ZAN: variants seen among roughly 807,000 people sequenced by gnomAD.
ZAN encodes the protein zonadhesin (gene/pseudogene).
A neutral mutation model predicts 286.2 loss-of-function variants in ZAN; 260 were observed. That is an observed-to-expected ratio of 0.91 (90% CI 0.82 to 1.01). The LOEUF is 1.01. Among genes scored for constraint, ZAN ranks in the 50% least tolerant of loss-of-function variants. The pLI, the probability that ZAN is intolerant of heterozygous loss-of-function variation, is 0.00. For missense variants in ZAN, 3,410 were observed against 3,639.2 expected (o/e 0.94, Z 1.62); for synonymous variants, 1,368 against 1,417.5 (o/e 0.97, Z 0.79).
intron 18 of ZAN, among the ~76,000 whole-genome samples, chr7:100,760,144 G>A (rs1809453031): frequency 6.6e-6 from 1 of 152,094 alleles, no homozygotes; most frequent in Non-Finnish European, 1.5e-5. Flanking sequence ...AGCCTGGGAG[G>A]TCGAGGCTGC....
At chr7:100,776,725 T>TTTTTTC (rs1810838063) in intron 34 of ZAN, among the ~76,000 whole-genome samples, 161 bp downstream of exon 34, 1 of 94,096 alleles carries the variant, frequency 1.1e-5, no homozygotes, top group South Asian at 4.1e-4. Context: ...TTTCTTTTTT[T>TTTTTTC]TTTTTTTTTT....
At position 100,735,960 on chromosome 7, in the gene ZAN, G is replaced by A. The variant is rs548157752; in HGVS notation, c.106+188G>A. ...CCCTCCAACCTCAGTTCATGACCCC[G>A]GACCTTGTCATTCTGTCCACTCTCC... On this transcript the variant is annotated intron_variant, in intron 3 of 47. Transcript: ENST00000613979. 1.3e-4 allele frequency among the ~76,000 whole-genome samples: 19 copies of A among 140,928 alleles called. 3 individuals carry two copies. The East Asian group carries it at 3.1e-3, about 23-fold the overall frequency. The allele number at this position is 140,928 out of a possible 152,430, so 92.5% of individuals were successfully genotyped here.
At position 100,748,480 on chromosome 7, in the gene ZAN, T is replaced by A. The variant is rs1175737648; in HGVS notation, c.1249+10T>A. 6.2e-7 allele frequency: 1 copy of A among 1,606,348 alleles called. No homozygotes were observed. Among genetic ancestry groups the A allele is most frequent in the Admixed American group, 1.7e-5 (1 of 58,316 alleles). On this transcript the variant is annotated intron_variant, in intron 11 of 47. Transcript: ENST00000613979. ...GGTTTCCCTAATGCAGGTGAGGAGA[T>A]TGAGGAGCGCTCACGCCAAGAAATC...
At chr7:100,773,681 C>T (rs1427816233) in intron 30 of ZAN, 40 bp from the exon 31 acceptor site, 1 of 1,591,020 alleles carries the variant, frequency 6.3e-7, no homozygotes, top group Non-Finnish European at 8.6e-7. Context: ...TCTCCCAATT[C>T]CAACTTTCTG....
At chr7:100,794,662 C>T (rs1812231874) in intron 44 of ZAN, among the ~76,000 whole-genome samples, 1 of 151,884 alleles carries the variant, frequency 6.6e-6, no homozygotes, top group East Asian at 1.9e-4. Flanking sequence ...AGGGAGACAT[C>T]GTCTCTACTA....
In ZAN at chr7:100,791,877, A is replaced by G. The variant is rs542181082; in HGVS notation, c.7530-89A>G. 2.1e-4 allele frequency: 302 copies of G among 1,443,238 alleles called. 1 individual carries two copies. In the South Asian group the frequency reaches 4.0e-3, roughly 19 times the overall value. 89.4% of individuals were successfully genotyped at this position (1,443,238 alleles called of 1,614,324 possible). ...CGGGTAGCTGGGACTCCAGGCAGCC[A>G]CCACCATGCCCGGCTAATCAGTTCT... On this transcript the variant is annotated intron_variant, in intron 40 of 47. Transcript: ENST00000613979.
chr7:100,746,352 C>G (rs1808216826), intron 7 of ZAN, among the ~76,000 whole-genome samples, 186 bp from the exon 8 acceptor site: 2 of 152,182 alleles, frequency 1.3e-5, no homozygotes, highest in Non-Finnish European at 2.9e-5. Context: ...CCTTACCCAG[C>G]CCAAGCATTT....
chr7:100,756,910 G>A (rs767357728), intron 15 of ZAN, among the ~76,000 whole-genome samples: 11 of 151,972 alleles, frequency 7.2e-5, no homozygotes, highest in Admixed American at 3.3e-4. Context: ...CTGGGATTAC[G>A]GGCATGCGCC....
chr7:100,773,510 G>T lies in ZAN; in HGVS notation c.5634+17G>T, dbSNP rs1449868325. ...TACCACCCGGTGAGAGGCCAGCTAGGAGGGGCCCCGCCCTTTCCAGGCCCA... is the reference window on the plus strand; with the variant it reads ...TACCACCCGGTGAGAGGCCAGCTAGTAGGGGCCCCGCCCTTTCCAGGCCCA... On this transcript the variant is annotated intron_variant, in intron 30 of 47. Transcript: ENST00000613979. 2 of 1,611,646 alleles carry T rather than the reference G, an allele frequency of 1.2e-6. No homozygotes were observed. The highest frequency in any genetic ancestry group is 2.7e-5 in the African/African-American group (2 of 74,840).
rs373499493 is a variant in ZAN, at chr7:100,780,409, C to T, written c.6622+659C>T. On this transcript the variant is annotated intron_variant, in intron 35 of 47. Coordinates refer to ENST00000613979, the MANE Select transcript of ZAN (RefSeq NM_003386.3). ...ACCCAGTAGGTTGGGTGTGATGGCTCATGCCTATAATCTCAGCAATTTGGG... is the reference window on the plus strand; with the variant it reads ...ACCCAGTAGGTTGGGTGTGATGGCTTATGCCTATAATCTCAGCAATTTGGG... 3.3e-5 allele frequency among the ~76,000 whole-genome samples: 5 copies of T among 152,012 alleles called. No individual in the cohort carries two copies. The East Asian group carries it at 9.7e-4, about 29-fold the overall frequency.
intron 3 of ZAN, 96 bp downstream of exon 3, chr7:100,735,868 A>G: frequency 1.0e-6 from 1 of 974,064 alleles, no homozygotes. Flanking sequence ...TAGCAGGAGC[A>G]GCCACCTCCA....
Position 100,775,851 on chromosome 7 carries a change from C to T in ZAN, c.6192+18C>T. 1 of 1,611,690 alleles carries T rather than the reference C, an allele frequency of 6.2e-7. No individual in the cohort carries two copies. Among genetic ancestry groups the T allele is most frequent in the Non-Finnish European group, 8.5e-7 (1 of 1,178,768 alleles). ...ATGGAAAGGTGAGGAAAACATCTGG[C>T]TCTTCTCGCTGGGGAGGCAGCCCCA... On this transcript the variant is annotated intron_variant, in intron 33 of 47. Coordinates refer to ENST00000613979, the MANE Select transcript of ZAN (RefSeq NM_003386.3).
chr7:100,752,135 T>A lies in ZAN; in HGVS notation c.2030T>A (p.Ile677Asn). Residue 677 changes from isoleucine to asparagine, a missense_variant, in exon 14 of 48, where the codon ATC becomes AAC. Around this residue, in one of 7 missense-constraint regions of ZAN, gnomAD observed 872 missense variants for 938.9 expected, o/e 0.93. Transcript: ENST00000613979. Reference protein sequence around the residue: ...ETTTSMEEPVIPTEKPSIPTE... With the variant: ...ETTTSMEEPVNPTEKPSIPTE... Reference sequence around the variant, plus strand: ...ACCACCTCCATGGAAGAGCCTGTCATCCCTACAGAAAAACCCAGCATCCCT... The same window carrying A: ...ACCACCTCCATGGAAGAGCCTGTCAACCCTACAGAAAAACCCAGCATCCCT... 6.2e-7 allele frequency: 1 copy of A among 1,605,198 alleles called. No individual in the cohort carries two copies. Among genetic ancestry groups the A allele is most frequent in the African/African-American group, 1.4e-5 (1 of 71,536 alleles).
chr7:100,747,627 G>A lies in ZAN; in HGVS notation c.1009G>A (p.Val337Met), dbSNP rs555638288. Residue 337 changes from valine (V) to methionine (M), a missense_variant, in exon 9 of 48, where the codon GTG (valine) becomes ATG (methionine). Val to Met is a conservative substitution (Grantham distance 21). Around this residue, in one of 7 missense-constraint regions of ZAN, gnomAD observed 872 missense variants for 938.9 expected, o/e 0.93. Coordinates refer to ENST00000613979, the MANE Select transcript of ZAN (RefSeq NM_003386.3). Reference protein sequence around the residue: ...WQAVSVNYTAVGRIQFAVVGV... With the variant: ...WQAVSVNYTAMGRIQFAVVGV... ...GGCTGTTTCTGTCAATTACACAGCC[G>A]TGGGACGGATACAGGTACAGAGAAG... 2.5e-5 allele frequency: 40 copies of A among 1,613,698 alleles called. No individual in the cohort carries two copies. The Admixed American group carries it at 2.5e-4, about 10-fold the overall frequency.
intron 3 of ZAN, among the ~76,000 whole-genome samples, chr7:100,736,251 T>C (rs896693816): frequency 7.0e-6 from 1 of 142,672 alleles, no homozygotes; most frequent in African/African-American, 2.6e-5. Flanking sequence ...TCCCTCAGGC[T>C]GGAGTGCAGT....
rs1438608567 is a variant in ZAN, at chr7:100,795,123, C to G, written c.8126-73C>G. 26 of 1,519,452 alleles carry G rather than the reference C, an allele frequency of 1.7e-5. No individual in the cohort carries two copies. The Admixed American group carries it at 5.3e-4, about 31-fold the overall frequency. The allele number at this position is 1,519,452 out of a possible 1,614,324, so 94.1% of individuals were successfully genotyped here. On this transcript the variant is annotated intron_variant, in intron 44 of 47. Transcript: ENST00000613979. The stretch of plus-strand genomic sequence containing the variant: ...TGCTTTCTCCCCGGGCGTCCCAGCC[C>G]CCAGCCAGGCCTTCCCTCAGCTGGG...
rs529341828 is a variant in ZAN at position 100,763,597 on chromosome 7, C to G, written c.3987-209C>G. On this transcript the variant is annotated intron_variant, in intron 20 of 47. Transcript: ENST00000613979. The surrounding 1 kb of genome is among the most constrained non-coding windows in gnomAD (Gnocchi z 4.6). ...GATCTCAGTGTGTTACCCAGGCTGGCCTGGAACTCCTGGGCTCAAGCAATT... is the reference window on the plus strand; with the variant it reads ...GATCTCAGTGTGTTACCCAGGCTGGGCTGGAACTCCTGGGCTCAAGCAATT... 3.3e-5 allele frequency among the ~76,000 whole-genome samples: 5 copies of G among 152,134 alleles called. No individual in the cohort carries two copies. Among genetic ancestry groups the G allele is most frequent in the Non-Finnish European group, 7.4e-5 (5 of 68,024 alleles).
chr7:100,746,495 C>G, intron 7 of ZAN, 43 bp from the exon 8 acceptor site: 1 of 1,606,682 alleles, frequency 6.2e-7, no homozygotes, highest in East Asian at 2.2e-5. Flanking sequence ...GCCATCTTCC[C>G]TCAATTCCAT....
chr7:100,772,117 G>A (rs1157714241), intron 29 of ZAN, 97 bp downstream of exon 29: 32 of 1,310,088 alleles, frequency 2.4e-5, no homozygotes, highest in East Asian at 1.5e-4. Context: ...TTTTTGAGAC[G>A]GAGTCTCACT....
Sources: allele counts gnomAD v4.1 joint callset (sites outside exome capture counted in the v4.1 genomes callset), GRCh38; gene constraint gnomAD v4.1.1; regional missense constraint gnomAD v4.1.1; non-coding constraint Gnocchi (gnomAD v3.1); transcripts MANE v1.5; gene names NCBI Gene and HGNC (gene_info 2026-07-23, HGNC 2026-07-21).